GRID2: variants seen among roughly 807,000 people sequenced by gnomAD.
GRID2 encodes glutamate receptor ionotropic, delta-2.
A neutral mutation model predicts 114.8 loss-of-function variants in GRID2; 33 were observed. The observed-to-expected ratio is 0.29, with a 90% CI of 0.22 to 0.38. The LOEUF is 0.38. Ranked by LOEUF, GRID2 falls within the 10% of genes least tolerant of loss-of-function variation. GRID2 has a pLI of 1.00. For synonymous variants in GRID2, 505 were observed against 449.9 expected (o/e 1.12, Z -1.55); for missense variants, 1,184 against 1,257.7 (o/e 0.94, Z 0.89).
At chr4:93,153,562 C>G (rs541869422) in intron 4 of GRID2, among the ~76,000 whole-genome samples, 3 of 151,944 alleles carry the variant, frequency 2.0e-5, no homozygotes, top group African/African-American at 7.2e-5. Context: ...GAGTTCTAGC[C>G]GATGTGCTAT....
downstream of GRID2, chr4:93,774,595 G>T (rs1734316771): frequency 2.0e-5 from 3 of 152,054 alleles, no homozygotes; most frequent in South Asian, 6.2e-4. Flanking sequence ...TGTAAGATTT[G>T]AAAATGTTTA....
chr4:92,834,253 A>AT (rs1742306588), intron 2 of GRID2, among the ~76,000 whole-genome samples: 1 of 152,006 alleles, frequency 6.6e-6, no homozygotes, highest in Admixed American at 6.6e-5. Context: ...TTCTCTTTTG[A>AT]TTTTTATTTC....
At chr4:93,774,958 A>C (rs750400822), downstream of GRID2, among the ~76,000 whole-genome samples, 3 of 152,134 alleles carry the variant, frequency 2.0e-5, no homozygotes, top group African/African-American at 7.2e-5. Flanking sequence ...CTTAGGATTT[A>C]TTTCTTAAAA....
intron 14 of GRID2, among the ~76,000 whole-genome samples, chr4:93,680,869 C>A (rs1725455255): frequency 6.6e-6 from 1 of 151,870 alleles, no homozygotes; most frequent in Non-Finnish European, 1.5e-5. Context: ...AAAACTGGCA[C>A]AAGACAGGGA....
Position 92,340,672 on chromosome 4 carries a change from CT to C in GRID2, c.88+35929del, listed in dbSNP as rs1428051796. Among the ~76,000 whole-genome samples the C allele has an allele frequency of 7.9e-5, 12 of 152,314 alleles. No individual in the cohort carries two copies. In the South Asian group the frequency reaches 2.3e-3, roughly 29 times the overall value. On this transcript the variant is annotated intron_variant, in intron 1 of 15. Transcript: ENST00000282020. ...TCTCCAAACAGAAGGATGATCACCC[CT>C]GTCTAGACGCTTGCATAGCACTCTG...
intron 2 of GRID2, among the ~76,000 whole-genome samples, chr4:92,751,605 A>G (rs1446811705): frequency 3.3e-5 from 5 of 152,208 alleles, no homozygotes; most frequent in Non-Finnish European, 7.3e-5. Flanking sequence ...AATAAAGTAT[A>G]TATGTGCTAT....
exon 2 of GRID2, chr4:93,808,032 C>G (rs557081118): frequency 4.6e-5 from 7 of 152,066 alleles, no homozygotes; most frequent in Non-Finnish European, 1.0e-4. Context: ...GCCAAAGCAA[C>G]CTAAAAGATT....
chr4:92,569,736 T>G (rs1727518295), intron 1 of GRID2, among the ~76,000 whole-genome samples: 1 of 152,068 alleles, frequency 6.6e-6, no homozygotes, highest in African/African-American at 2.4e-5. Flanking sequence ...GTTGATCTTT[T>G]TTCATGTTTT....
At chr4:93,241,774 A>G (rs1747538671) in intron 8 of GRID2, among the ~76,000 whole-genome samples, 1 of 151,388 alleles carries the variant, frequency 6.6e-6, no homozygotes, top group African/African-American at 2.4e-5. Flanking sequence ...GGGTAATGCC[A>G]TATGTTTAAA....
intron 1 of GRID2, among the ~76,000 whole-genome samples, chr4:92,453,876 G>A (rs574987455): frequency 3.3e-5 from 5 of 151,990 alleles, no homozygotes; most frequent in African/African-American, 7.3e-5. Flanking sequence ...AAAAACTTAA[G>A]ACCACTGACT....
intron 14 of GRID2, among the ~76,000 whole-genome samples, chr4:93,737,154 CAA>C (rs1382048537): frequency 6.6e-6 from 1 of 152,016 alleles, no homozygotes; most frequent in African/African-American, 2.4e-5. Flanking sequence ...AGTAAAAGCT[CAA>C]AGAGTGTTAG....
chr4:92,659,408 AC>A (rs1280586180), intron 2 of GRID2, among the ~76,000 whole-genome samples: 1 of 151,478 alleles, frequency 6.6e-6, no homozygotes, highest in African/African-American at 2.4e-5. Context: ...CAATTACATC[AC>A]TTTGGTGGGG....
intron 14 of GRID2, among the ~76,000 whole-genome samples, chr4:93,768,673 A>C (rs570661040): frequency 1.6e-4 from 25 of 152,318 alleles, no homozygotes; most frequent in Admixed American, 1.2e-3. Flanking sequence ...GCTTCCTCTC[A>C]CACTGTGTTA....
At chr4:93,563,441 C>T (rs1735107382) in intron 13 of GRID2, among the ~76,000 whole-genome samples, 1 of 151,830 alleles carries the variant, frequency 6.6e-6, no homozygotes, top group African/African-American at 2.4e-5. Context: ...TGAAAGTAAA[C>T]ATTCAGTCCT....
In GRID2 at chr4:93,500,019, G is replaced by C. The variant is rs150255398; in HGVS notation, c.1997+9242G>C. Reference sequence around the variant, plus strand: ...AAATGAATAAATGGCATCCATAAGGGTTACTATAAATTTCTTAGGAAATAA... The same window carrying C: ...AAATGAATAAATGGCATCCATAAGGCTTACTATAAATTTCTTAGGAAATAA... On this transcript the variant is annotated intron_variant, in intron 12 of 15. Coordinates refer to ENST00000282020, the MANE Select transcript of GRID2 (RefSeq NM_001510.4). 2.1e-4 allele frequency among the ~76,000 whole-genome samples: 32 copies of C among 152,012 alleles called. No individual in the cohort carries two copies. The East Asian group carries it at 5.6e-3, about 27-fold the overall frequency.
chr4:93,430,309 T>TAGCTGTG (rs1425963832), intron 10 of GRID2, among the ~76,000 whole-genome samples: 3 of 152,104 alleles, frequency 2.0e-5, no homozygotes, highest in Non-Finnish European at 4.4e-5. Flanking sequence ...GCCTCCCAAG[T>TAGCTGTG]AGCTGTGATT....
chr4:92,794,905 TACAC>T (rs1553928475), intron 2 of GRID2, among the ~76,000 whole-genome samples: 13 of 127,808 alleles, frequency 1.0e-4, no homozygotes, highest in South Asian at 4.9e-4. Context: ...TATATATATA[TACAC>T]ACACACACAC....
chr4:93,391,898 T>G (rs115185965), intron 8 of GRID2, among the ~76,000 whole-genome samples: 1,887 of 152,174 alleles, frequency 0.012, 45 homozygotes, highest in African/African-American at 0.043. Context: ...TTGCCAAAGC[T>G]CCAATGAAGG....
At chr4:93,464,234 A>G (rs931561631) in intron 11 of GRID2, among the ~76,000 whole-genome samples, 1 of 152,144 alleles carries the variant, frequency 6.6e-6, no homozygotes, top group African/African-American at 2.4e-5. Context: ...TATTTAGAAT[A>G]TAAATTTGAA....
Sources: gnomAD v4.1 joint callset for allele counts (sites outside exome capture counted in the v4.1 genomes callset) on GRCh38, gnomAD v4.1.1 for gene constraint, MANE v1.5 for transcripts, NCBI Gene and HGNC (gene_info 2026-07-23, HGNC 2026-07-21) for gene names.